The following IQGAP2 variants were observed in gnomAD, a reference collection of about 807,000 sequenced individuals.
IQGAP2 encodes the protein ras GTPase-activating-like protein IQGAP2.
Under a neutral mutation model 201.3 loss-of-function variants are expected in IQGAP2, and 173 were observed. That is an observed-to-expected ratio of 0.86 (90% CI 0.76 to 0.98). The LOEUF (loss-of-function observed/expected upper bound fraction) is 0.98. Ranked by LOEUF, IQGAP2 falls within the 50% of genes least tolerant of loss-of-function variation. The pLI, the probability that IQGAP2 is intolerant of heterozygous loss-of-function variation, is 0.00. For synonymous variants in IQGAP2, 675 were observed against 673.9 expected (o/e 1.00, Z -0.03); for missense variants, 1,687 against 1,864.8 (o/e 0.90, Z 1.76).
chr5:76,594,498 G>A (rs900738805), intron 9 of IQGAP2, among the ~76,000 whole-genome samples: 1 of 151,892 alleles, frequency 6.6e-6, no homozygotes, highest in Admixed American at 6.6e-5. Flanking sequence ...TGGTAAAACC[G>A]GCTGAAAATA....
chr5:76,473,104 C>T (rs1755211244), intron 2 of IQGAP2, among the ~76,000 whole-genome samples: 1 of 152,234 alleles, frequency 6.6e-6, no homozygotes, highest in Non-Finnish European at 1.5e-5. Context: ...CTAGGTCTTT[C>T]TGACTTCAAA....
intron 16 of IQGAP2, 34 bp downstream of exon 16, chr5:76,637,210 G>C (rs1487404475): frequency 2.0e-6 from 3 of 1,515,052 alleles, no homozygotes; most frequent in Non-Finnish European, 2.7e-6. Context: ...TAACTCTACT[G>C]TATAAAGTTA....
chr5:76,700,606 T>G (rs1747291158), intron 33 of IQGAP2, among the ~76,000 whole-genome samples: 1 of 152,192 alleles, frequency 6.6e-6, no homozygotes. Context: ...AATTTATTAG[T>G]TTAAAAGTAC....
intron 1 of IQGAP2, among the ~76,000 whole-genome samples, chr5:76,417,693 A>T (rs988017572): frequency 1.3e-5 from 2 of 151,882 alleles, no homozygotes; most frequent in African/African-American, 4.8e-5. Context: ...CCATTCTCCC[A>T]CTTTAGTCTT....
In IQGAP2 at chr5:76,597,437, A is replaced by T; in HGVS notation, c.908-2A>T. On this transcript the variant is annotated splice_acceptor_variant, in intron 9 of 35. Transcript: ENST00000274364. LOFTEE classifies it high-confidence loss of function. ...TGACAAAACATGAACCCCCATCCTC[A>T]GGGCAGGCTGCAGTGGACCATATCA... 1 of 1,613,654 alleles carries T rather than the reference A, an allele frequency of 6.2e-7. No homozygotes were observed. Among genetic ancestry groups the T allele is most frequent in the Non-Finnish European group, 8.5e-7 (1 of 1,179,822 alleles).
At chr5:76,466,592 AC>A (rs1472365050) in intron 2 of IQGAP2, among the ~76,000 whole-genome samples, 1 of 152,234 alleles carries the variant, frequency 6.6e-6, no homozygotes, top group East Asian at 1.9e-4. Context: ...AAGTCAATTC[AC>A]TGGGAGTGAG....
chr5:76,654,835 TCAGTTCTTAAATACTGA>T (rs1275729483), intron 19 of IQGAP2, 82 bp from the exon 20 acceptor site: 2 of 730,342 alleles, frequency 2.7e-6, no homozygotes, highest in African/African-American at 1.8e-5. Flanking sequence ...CTAAGTAGTG[TCAGTTCTTAAATACTGA>T]CAGTTCTTAA....
At chr5:76,620,485 G>A (rs905150470) in intron 13 of IQGAP2, among the ~76,000 whole-genome samples, 11 of 152,180 alleles carry the variant, frequency 7.2e-5, no homozygotes, top group Admixed American at 2.0e-4. Flanking sequence ...GAGACAAGGA[G>A]ACAGGATCGG....
chr5:76,592,620 C>G (rs1045651143), intron 8 of IQGAP2, among the ~76,000 whole-genome samples: 8 of 152,088 alleles, frequency 5.3e-5, no homozygotes, highest in Admixed American at 1.3e-4. Flanking sequence ...GAAAATTAGC[C>G]CTTTTCAAAG....
In IQGAP2 at chr5:76,588,968, T is replaced by G; in HGVS notation, c.521T>G (p.Phe174Cys). Reference sequence around the variant, plus strand: ...CAGGATTTGTTGGGCAAAGTAGACTTCACAGGTACTACTCTTTATCTTTGT... The same window carrying G: ...CAGGATTTGTTGGGCAAAGTAGACTGCACAGGTACTACTCTTTATCTTTGT... ...QIQDLLGKVD[F>C]TEEEISNMRK... The change falls in exon 6 of 36, where the codon TTC becomes TGC. Residue 174 changes from phenylalanine to cysteine, a missense_variant. By Grantham distance (205) the Phe-to-Cys change is radical. Coordinates refer to ENST00000274364, the MANE Select transcript of IQGAP2 (RefSeq NM_006633.5). 6.3e-7 allele frequency: 1 copy of G among 1,593,710 alleles called. No homozygotes were observed.
At chr5:76,530,564 A>G (rs1218033074) in intron 2 of IQGAP2, among the ~76,000 whole-genome samples, 2 of 152,232 alleles carry the variant, frequency 1.3e-5, no homozygotes, top group African/African-American at 2.4e-5. Context: ...GCAGTTTAGT[A>G]CTAGGTTTCT....
At chr5:76,461,026 C>A (rs1754418687) in intron 1 of IQGAP2, among the ~76,000 whole-genome samples, 2 of 151,506 alleles carry the variant, frequency 1.3e-5, no homozygotes, top group South Asian at 4.2e-4. Flanking sequence ...CTACAGGTGC[C>A]CCCCACCACA....
chr5:76,607,931 G>C (rs941148426), intron 12 of IQGAP2: 4 of 152,238 alleles, frequency 2.6e-5, no homozygotes, highest in African/African-American at 7.2e-5. Flanking sequence ...CCATGCTTCA[G>C]TTCTGCTTTG....
At chr5:76,582,144 CAGTT>C (rs766346752) in intron 5 of IQGAP2, among the ~76,000 whole-genome samples, 14 of 152,184 alleles carry the variant, frequency 9.2e-5, no homozygotes, top group Non-Finnish European at 1.8e-4. Context: ...GAAGGTCACA[CAGTT>C]AGTAAAAACC....
intron 30 of IQGAP2, among the ~76,000 whole-genome samples, chr5:76,689,229 T>TAA (rs1561595883): frequency 5.9e-5 from 2 of 33,680 alleles, no homozygotes; most frequent in African/African-American, 2.4e-4. Flanking sequence ...ACAGGGATAT[T>TAA]TAAAAAAAAA....
At chr5:76,636,423 A>G (rs1751129746) in intron 15 of IQGAP2, among the ~76,000 whole-genome samples, 1 of 152,244 alleles carries the variant, frequency 6.6e-6, no homozygotes, top group African/African-American at 2.4e-5. Flanking sequence ...AAGTTTCAAA[A>G]AAATTTTTTT....
At position 76,686,334 on chromosome 5, in the gene IQGAP2, GT is replaced by G. The variant is rs143998388; in HGVS notation, c.3905+2425del. Among the ~76,000 whole-genome samples, 1,183 of 129,528 alleles carry G rather than the reference GT, an allele frequency of 9.1e-3. 19 individuals carry two copies. The highest frequency in any genetic ancestry group is 0.035 in the African/African-American group (1,107 of 31,750). The allele number at this position is 129,528 out of a possible 152,430, so 85.0% of individuals were successfully genotyped here. A position where few individuals can be genotyped will look rare whatever the true frequency, so the allele number is the denominator to read the frequency against. ...TATTTTGATGAAGTCCAGTTTATCTGTTTTTTTTGTTGTTGTTGTTGTTGTT... is the reference window on the plus strand; with the variant it reads ...TATTTTGATGAAGTCCAGTTTATCTGTTTTTTTGTTGTTGTTGTTGTTGTT... On this transcript the variant is annotated intron_variant, in intron 30 of 35. Transcript: ENST00000274364.
intron 2 of IQGAP2, among the ~76,000 whole-genome samples, chr5:76,523,077 T>A (rs912132435): frequency 1.5e-4 from 2 of 12,928 alleles, no homozygotes; most frequent in Non-Finnish European, 3.0e-4. Context: ...TTCTTTTGCC[T>A]TTTTTTTTTT....
At chr5:76,432,109 TG>T (rs1453945193) in intron 1 of IQGAP2, among the ~76,000 whole-genome samples, 1 of 148,938 alleles carries the variant, frequency 6.7e-6, no homozygotes, top group African/African-American at 2.5e-5. Context: ...TTAATGGAAT[TG>T]ACTGATCTTT....
Sources: allele counts gnomAD v4.1 joint callset (sites outside exome capture counted in the v4.1 genomes callset), GRCh38; gene constraint gnomAD v4.1.1; transcripts MANE v1.5; gene names NCBI Gene and HGNC (gene_info 2026-07-23, HGNC 2026-07-21).